SYNE2: variants seen among roughly 807,000 people sequenced by gnomAD.
SYNE2 encodes the protein nesprin-2.
SYNE2 carries 431 observed loss-of-function variants against 856.3 expected under a neutral mutation model. The observed-to-expected ratio is 0.50, with a 90% CI of 0.47 to 0.55. The LOEUF is 0.55. Among genes scored for constraint, SYNE2 ranks in the 20% least tolerant of loss-of-function variants. The pLI is 0.00. For missense variants in SYNE2, 8,129 were observed against 8,023.2 expected (o/e 1.01, Z -0.50); for synonymous variants, 2,923 against 2,872.3 (o/e 1.02, Z -0.56).
chr14:63,971,750 C>T (rs2096480683), intron 11 of SYNE2, among the ~76,000 whole-genome samples: 1 of 152,066 alleles, frequency 6.6e-6, no homozygotes, highest in South Asian at 2.1e-4. Flanking sequence ...ACTTACTTTA[C>T]AATACAGGGC....
chr14:64,120,970 A>C lies in SYNE2; in HGVS notation c.13067A>C (p.Glu4356Ala), dbSNP rs2097894034. 1 of 1,614,056 alleles carries C rather than the reference A, an allele frequency of 6.2e-7. No individual in the cohort carries two copies. Among genetic ancestry groups the C allele is most frequent in the South Asian group, 1.1e-5 (1 of 91,094 alleles). Residue 4356 changes from glutamate to alanine, a missense_variant, in exon 68 of 116, where the codon GAA becomes GCA. Glu to Ala is a moderately radical substitution (Grantham distance 107, BLOSUM62 -1). Around this residue, in one of 3 missense-constraint regions of SYNE2, gnomAD observed 5,410 missense variants for 5,284.8 expected, o/e 1.02. Coordinates refer to ENST00000555002, the MANE Select transcript of SYNE2 (RefSeq NM_182914.3). ...AAATCCTCAGAGCCAGAGCATCAAG[A>C]AGCTCTCCAACCAGTTAACCTTTCT... ...LKKSSEPEHQ[E>A]ALQPVNLSEL...
chr14:64,113,077 G>A (rs2097824631), intron 65 of SYNE2: 4 of 985,210 alleles, frequency 4.1e-6, no homozygotes, highest in African/African-American at 1.7e-5. Flanking sequence ...GGGGCTCACC[G>A]GGTAGTGAAC....
chr14:64,104,063 A>G (rs1446895349), intron 64 of SYNE2, among the ~76,000 whole-genome samples: 1 of 152,178 alleles, frequency 6.6e-6, no homozygotes, highest in African/African-American at 2.4e-5. Context: ...TACTTTAATG[A>G]ACTGAATTTC....
At position 64,225,628 on chromosome 14, in the gene SYNE2, C is replaced by A; in HGVS notation, c.*102C>A. 1 of 1,307,904 alleles carries A rather than the reference C, an allele frequency of 7.6e-7. No homozygotes were observed. Among genetic ancestry groups the A allele is most frequent in the East Asian group, 2.5e-5 (1 of 40,094 alleles). 81.0% of individuals were successfully genotyped at this position (1,307,904 alleles called of 1,614,324 possible). A position where few individuals can be genotyped will look rare whatever the true frequency, so the allele number is the denominator to read the frequency against. On this transcript the variant is annotated 3_prime_UTR_variant, in exon 116 of 116. Transcript: ENST00000555002. ...GAGTGACTTAGTGTTGGCAAGGTCC[C>A]GGGACCTGTGCAGACTTCTTCTGGG...
intron 84 of SYNE2, among the ~76,000 whole-genome samples, chr14:64,151,421 A>T (rs796617458): frequency 0.018 from 718 of 40,318 alleles, 6 homozygotes; most frequent in African/African-American, 0.091. Flanking sequence ...CAAAGGATTT[A>T]AAAAAAAAAA....
chr14:63,850,400 T>C (rs907748319), upstream of SYNE2, among the ~76,000 whole-genome samples: 26 of 152,068 alleles, frequency 1.7e-4, no homozygotes, highest in Middle Eastern at 3.2e-3. Context: ...CAACATACTA[T>C]GTTATCACAC....
chr14:63,873,574 T>C (rs2094640088), intron 1 of SYNE2: 1 of 152,144 alleles, frequency 6.6e-6, no homozygotes, highest in South Asian at 2.1e-4. Context: ...TTTTGTATTA[T>C]AGAGATGGGG....
chr14:64,218,439 A>T lies in SYNE2; in HGVS notation c.19584A>T (p.Glu6528Asp). ...LLPPGTDGGKEGPRVLNGNPQ... is the reference protein window; with the variant it reads ...LLPPGTDGGKDGPRVLNGNPQ... Reference sequence around the variant, plus strand: ...CTCCAGGCACGGATGGTGGCAAAGAAGGCCCGCGAGTCCTGAATGGCAACC... The same window carrying T: ...CTCCAGGCACGGATGGTGGCAAAGATGGCCCGCGAGTCCTGAATGGCAACC... Residue 6528 changes from glutamate to aspartate, a missense_variant, in exon 109 of 116, where the codon GAA becomes GAT. By Grantham distance (45) the Glu-to-Asp change is conservative. This residue lies in a region of SYNE2 where 5,410 missense variants were observed against 5,284.8 expected (regional missense o/e 1.02). Coordinates refer to ENST00000555002, the MANE Select transcript of SYNE2 (RefSeq NM_182914.3). 1 of 1,614,122 alleles carries T rather than the reference A, an allele frequency of 6.2e-7. No homozygotes were observed. The highest frequency in any genetic ancestry group is 1.3e-5 in the African/African-American group (1 of 75,054).
At position 64,182,205 on chromosome 14, in the gene SYNE2, G is replaced by A. The variant is rs534551087; in HGVS notation, c.17557-4219G>A. On this transcript the variant is annotated intron_variant, in intron 96 of 115. Transcript: ENST00000555002. ...AATCCTGTGCAACACACCGCTTTTC[G>A]CAGCCAAACAACTTGAAATTTTACA... 2.6e-5 allele frequency among the ~76,000 whole-genome samples: 4 copies of A among 152,064 alleles called. No individual in the cohort carries two copies. In the South Asian group the frequency reaches 6.2e-4, roughly 24 times the overall value.
chr14:63,860,856 A>G (rs990380386), intron 1 of SYNE2, among the ~76,000 whole-genome samples: 7 of 152,184 alleles, frequency 4.6e-5, no homozygotes, highest in African/African-American at 1.7e-4. Context: ...GGAACATGCA[A>G]TCAGTGGGGT....
chr14:64,219,569 G>T (rs1444331719), intron 110 of SYNE2, among the ~76,000 whole-genome samples, 159 bp downstream of exon 110: 1 of 152,212 alleles, frequency 6.6e-6, no homozygotes, highest in Non-Finnish European at 1.5e-5. Flanking sequence ...TAGTTGGCAA[G>T]GACATAGATG....
intron 108 of SYNE2, among the ~76,000 whole-genome samples, chr14:64,216,949 C>T (rs1442972562): frequency 4.6e-5 from 7 of 151,530 alleles, no homozygotes; most frequent in Non-Finnish European, 8.8e-5. Flanking sequence ...TGGTCTTGAA[C>T]TCCTGACCTC....
intron 1 of SYNE2, among the ~76,000 whole-genome samples, chr14:63,834,574 T>C (rs572041486): frequency 7.9e-5 from 12 of 152,036 alleles, no homozygotes; most frequent in African/African-American, 1.9e-4. Flanking sequence ...GTGATCCTCC[T>C]GCCTTGGCCT....
chr14:64,173,280 G>A (rs1407644638), intron 94 of SYNE2, among the ~76,000 whole-genome samples: 1 of 152,238 alleles, frequency 6.6e-6, no homozygotes, highest in Non-Finnish European at 1.5e-5. Context: ...GCATCTTGGT[G>A]AATAGTGTGC....
At chr14:64,085,861 GTCT>G (rs930577365) in intron 57 of SYNE2, among the ~76,000 whole-genome samples, 33 of 152,092 alleles carry the variant, frequency 2.2e-4, no homozygotes, top group African/African-American at 2.9e-4. Context: ...AAATTGCATT[GTCT>G]TCTTGTTGAG....
At chr14:63,975,931 T>A (rs2096539026) in intron 11 of SYNE2, among the ~76,000 whole-genome samples, 3 of 152,166 alleles carry the variant, frequency 2.0e-5, no homozygotes, top group Admixed American at 2.0e-4. Flanking sequence ...GACATCCAGG[T>A]AGCAGGGGCA....
At chr14:63,770,916 G>T (rs1886875563) in intron 1 of SYNE2, among the ~76,000 whole-genome samples, 1 of 152,106 alleles carries the variant, frequency 6.6e-6, no homozygotes, top group Admixed American at 6.5e-5. Flanking sequence ...ATATTGCCCA[G>T]GTTGGTCTTC....
chr14:64,038,374 AG>A (rs2097117978), intron 45 of SYNE2, among the ~76,000 whole-genome samples: 1 of 152,156 alleles, frequency 6.6e-6, no homozygotes, highest in African/African-American at 2.4e-5. Context: ...AGCCAGGCAG[AG>A]GGGCTCCTCA....
intron 2 of SYNE2, among the ~76,000 whole-genome samples, chr14:63,919,104 C>A (rs1309745757): frequency 6.6e-6 from 1 of 152,172 alleles, no homozygotes; most frequent in Non-Finnish European, 1.5e-5. Context: ...CTCTCTGATT[C>A]ATTCATGCAG....
Sources: gnomAD v4.1 joint callset for allele counts (sites outside exome capture counted in the v4.1 genomes callset) on GRCh38, gnomAD v4.1.1 for gene constraint, gnomAD v4.1.1 regional missense constraint, MANE v1.5 for transcripts, NCBI Gene and HGNC (gene_info 2026-07-23, HGNC 2026-07-21) for gene names.